HECTD2: variants seen among roughly 807,000 people sequenced by gnomAD.
HECTD2 encodes the protein HECT domain E3 ubiquitin protein ligase 2, also known as probable E3 ubiquitin-protein ligase HECTD2.
A neutral mutation model predicts 103.2 loss-of-function variants in HECTD2; 35 were observed. That is an observed-to-expected ratio of 0.34 (90% confidence interval 0.26 to 0.45). The LOEUF is 0.45. HECTD2 is among the 20% of genes least tolerant of loss of function. The pLI is 1.00. For missense variants in HECTD2, 596 were observed against 937.4 expected, an observed-to-expected ratio of 0.64 and a Z score of 4.76; for synonymous variants, 281 against 329.9, an observed-to-expected ratio of 0.85 and a Z score of 1.61.
At chr10:91,438,830 G>T (rs1349617810) in intron 2 of HECTD2, among the ~76,000 whole-genome samples, 1 of 152,208 alleles carries the variant, frequency 6.6e-6, no homozygotes, top group Non-Finnish European at 1.5e-5. Flanking sequence ...AATGACGAGT[G>T]ATGATGAGCT....
chr10:91,427,518 T>G (rs1353473307), intron 2 of HECTD2, among the ~76,000 whole-genome samples: 3 of 152,166 alleles, frequency 2.0e-5, no homozygotes, highest in Non-Finnish European at 4.4e-5. Flanking sequence ...ACCTGTTGTT[T>G]CCTGACTTTT....
intron 2 of HECTD2, among the ~76,000 whole-genome samples, chr10:91,438,711 C>T (rs1844249181): frequency 6.6e-6 from 1 of 152,174 alleles, no homozygotes; most frequent in African/African-American, 2.4e-5. Context: ...AAAAGCGTTC[C>T]TGTTTCTCCA....
At chr10:91,470,414 A>T (rs1300682505) in intron 5 of HECTD2, among the ~76,000 whole-genome samples, 1 of 152,190 alleles carries the variant, frequency 6.6e-6, no homozygotes, top group Non-Finnish European at 1.5e-5. Context: ...AAAAGCATAC[A>T]ATTATAAGGA....
chr10:91,488,855 C>T (rs1846360402), intron 11 of HECTD2: 1 of 152,000 alleles, frequency 6.6e-6, no homozygotes, highest in Non-Finnish European at 1.5e-5. Flanking sequence ...GCCACACTAC[C>T]CCCCTGAAGA....
chr10:91,454,743 C>G (rs1051268148), intron 2 of HECTD2, among the ~76,000 whole-genome samples: 1 of 151,936 alleles, frequency 6.6e-6, no homozygotes, highest in African/African-American at 2.4e-5. Flanking sequence ...CAACAGGCCC[C>G]AGTGTGTAAT....
At position 91,491,189 on chromosome 10, in the gene HECTD2, TA is replaced by T; in HGVS notation, c.1192-10del. ...GTAAAAGCAAAACTGTTTACTTTCT[TA>T]TTTAATCAGCAAAGTCTGGTGGATA... On this transcript the variant is annotated splice_polypyrimidine_tract_variant and intron_variant, in intron 11 of 20. Coordinates refer to ENST00000298068, the MANE Select transcript of HECTD2 (RefSeq NM_182765.6). The T allele has an allele frequency of 7.2e-7, 1 of 1,386,294 alleles. No individual in the cohort carries two copies. The highest frequency in any genetic ancestry group is 1.0e-6 in the Non-Finnish European group (1 of 979,958). 85.9% of individuals were successfully genotyped at this position (1,386,294 alleles called of 1,614,324 possible).
Position 91,428,921 on chromosome 10 carries a change from C to G in HECTD2, c.268+3511C>G, listed in dbSNP as rs192996723. On this transcript the variant is annotated intron_variant, in intron 2 of 20. Coordinates refer to ENST00000298068, the MANE Select transcript of HECTD2 (RefSeq NM_182765.6). ...CAGAACTTCCAACACTATGTTGAAT[C>G]GGAGTGGTGAGAGAGGGCATCCCTG... Among the ~76,000 whole-genome samples, 22 of 151,150 alleles carry G rather than the reference C, an allele frequency of 1.5e-4. No individual in the cohort carries two copies. The South Asian group carries it at 1.5e-3, about 10-fold the overall frequency.
chr10:91,450,951 G>A (rs952026968), intron 2 of HECTD2, among the ~76,000 whole-genome samples: 1 of 152,090 alleles, frequency 6.6e-6, no homozygotes. Flanking sequence ...AAGATGGTGT[G>A]GTGATTCCTC....
At chr10:91,505,593 C>A (rs1045768747) in intron 20 of HECTD2, among the ~76,000 whole-genome samples, 1 of 150,546 alleles carries the variant, frequency 6.6e-6, no homozygotes, top group African/African-American at 2.4e-5. Context: ...TATATATGCA[C>A]CCAATACAGG....
At chr10:91,440,085 G>A (rs1408641210) in intron 2 of HECTD2, among the ~76,000 whole-genome samples, 2 of 152,044 alleles carry the variant, frequency 1.3e-5, no homozygotes, top group African/African-American at 4.8e-5. Context: ...TCTCTTGCCT[G>A]ACTGCCCTGG....
At chr10:91,433,505 T>G (rs949686266) in intron 2 of HECTD2, among the ~76,000 whole-genome samples, 1 of 152,026 alleles carries the variant, frequency 6.6e-6, no homozygotes, top group African/African-American at 2.4e-5. Context: ...GAAAACTTCT[T>G]TATTATTTTT....
rs1307881598 is a variant in HECTD2 at position 91,514,163 on chromosome 10, T to G, written c.*1779T>G. The G allele has an allele frequency of 6.6e-6, 1 of 152,648 alleles. No homozygotes were observed. Among genetic ancestry groups the G allele is most frequent in the Non-Finnish European group, 1.5e-5 (1 of 68,046 alleles). 9.5% of individuals were successfully genotyped at this position (152,648 alleles called of 1,614,324 possible). ...GTATAAGAAACCAGATTTAAGTGTTTTAAATAAAATGTAAACAGTTTTTAT... is the reference window on the plus strand; with the variant it reads ...GTATAAGAAACCAGATTTAAGTGTTGTAAATAAAATGTAAACAGTTTTTAT... On this transcript the variant is annotated 3_prime_UTR_variant, in exon 21 of 21. Coordinates refer to ENST00000298068, the MANE Select transcript of HECTD2 (RefSeq NM_182765.6).
At chr10:91,476,973 G>A (rs1845927711) in intron 5 of HECTD2, among the ~76,000 whole-genome samples, 1 of 151,284 alleles carries the variant, frequency 6.6e-6, no homozygotes, top group Admixed American at 6.6e-5. Flanking sequence ...GAGGTCAGGA[G>A]ATCGAGACCA....
At chr10:91,503,488 C>T (rs1489310640) in intron 20 of HECTD2, among the ~76,000 whole-genome samples, 3 of 152,166 alleles carry the variant, frequency 2.0e-5, no homozygotes, top group African/African-American at 4.8e-5. Context: ...TCAGGGAGTT[C>T]CCTTTCCTAA....
chr10:91,437,619 C>CTTTTTTTTTTTTTTTTTTTGGTTTTT (rs1844179816), intron 2 of HECTD2, among the ~76,000 whole-genome samples: 1 of 87,420 alleles, frequency 1.1e-5, no homozygotes, highest in Non-Finnish European at 2.7e-5. Context: ...GATGGTTGTT[C>CTTTTTTTTTTTTTTTTTTTGGTTTTT]TTTTTTTTTT....
chr10:91,458,609 A>G (rs1249667706), intron 2 of HECTD2, among the ~76,000 whole-genome samples: 1 of 152,022 alleles, frequency 6.6e-6, no homozygotes, highest in Non-Finnish European at 1.5e-5. Flanking sequence ...TTGTAATTTG[A>G]CAAAGGTCCA....
At chr10:91,462,805 C>T (rs2133208612) in intron 5 of HECTD2, 1 of 975,938 alleles carries the variant, frequency 1.0e-6, no homozygotes, top group South Asian at 4.7e-5. Context: ...AACCATACTG[C>T]TATAGATCAA....
At chr10:91,467,589 C>T (rs930413374) in intron 5 of HECTD2, among the ~76,000 whole-genome samples, 3 of 152,124 alleles carry the variant, frequency 2.0e-5, no homozygotes, top group Admixed American at 1.3e-4. Context: ...TCCTGACCAT[C>T]GTAGGGTCCA....
At chr10:91,432,254 C>T (rs1843916074) in intron 2 of HECTD2, among the ~76,000 whole-genome samples, 2 of 152,068 alleles carry the variant, frequency 1.3e-5, no homozygotes, top group East Asian at 1.9e-4. Context: ...CCTCCCTCTT[C>T]TCTGGTAGTA....
Sources: gnomAD v4.1 joint callset for allele counts (sites outside exome capture counted in the v4.1 genomes callset) on GRCh38, gnomAD v4.1.1 for gene constraint, MANE v1.5 for transcripts, NCBI Gene and HGNC (gene_info 2026-07-23, HGNC 2026-07-21) for gene names.